Variants in BORCS5 observed in about 807,000 individuals in gnomAD.
BORCS5 encodes the protein BLOC-1 related complex subunit 5, also known as BLOC-1-related complex subunit 5.
In BORCS5, 17 loss-of-function variants were observed where a neutral mutation model predicts 22.1. The observed-to-expected ratio is 0.77, with a 90% CI of 0.53 to 1.15. The LOEUF is 1.15. BORCS5 is among the 50% of genes most tolerant of loss of function. BORCS5 has a pLI of 0.00. For synonymous variants in BORCS5, 117 were observed against 99.8 expected (o/e 1.17, Z -1.03); for missense variants, 247 against 253.2 (o/e 0.98, Z 0.17).
chr12:12,443,796 C>A (rs1282922585), intron 3 of BORCS5, among the ~76,000 whole-genome samples: 1 of 152,218 alleles, frequency 6.6e-6, no homozygotes, highest in African/African-American at 2.4e-5. Context: ...TAGACATGCC[C>A]TCAGACAGCT....
intron 2 of BORCS5, among the ~76,000 whole-genome samples, chr12:12,413,107 TC>T (rs1941786152): frequency 1.3e-5 from 1 of 77,262 alleles, no homozygotes; most frequent in Non-Finnish European, 2.5e-5. Context: ...TGGTGATGAC[TC>T]TTTTTTTTTT....
At chr12:12,380,498 C>G (rs1356905136) in intron 2 of BORCS5, among the ~76,000 whole-genome samples, 1 of 151,470 alleles carries the variant, frequency 6.6e-6, no homozygotes, top group African/African-American at 2.4e-5. Context: ...CTGGACACTT[C>G]ATCTAAATGG....
intron 2 of BORCS5, among the ~76,000 whole-genome samples, chr12:12,397,364 G>A (rs1758419983): frequency 6.6e-6 from 1 of 152,202 alleles, no homozygotes; most frequent in Non-Finnish European, 1.5e-5. Context: ...TACGTGCTGA[G>A]GTTCCTCAGT....
intron 2 of BORCS5, among the ~76,000 whole-genome samples, chr12:12,387,923 A>C (rs933768802): frequency 1.3e-5 from 2 of 151,420 alleles, no homozygotes; most frequent in African/African-American, 2.4e-5. Flanking sequence ...TCATTAAAGA[A>C]TGTTTAACAC....
chr12:12,394,796 G>A (rs1941290592), intron 2 of BORCS5, among the ~76,000 whole-genome samples: 1 of 152,094 alleles, frequency 6.6e-6, no homozygotes, highest in South Asian at 2.1e-4. Context: ...TGGAGTGCCT[G>A]TTTCCCATGT....
At chr12:12,419,494 A>G (rs1001400069) in intron 2 of BORCS5, among the ~76,000 whole-genome samples, 2 of 152,236 alleles carry the variant, frequency 1.3e-5, no homozygotes, top group Admixed American at 1.3e-4. Context: ...GAATAGTGCC[A>G]TAATAAACAT....
intron 2 of BORCS5, among the ~76,000 whole-genome samples, chr12:12,402,877 T>C (rs1941509124): frequency 6.6e-6 from 1 of 152,222 alleles, no homozygotes; most frequent in Non-Finnish European, 1.5e-5. Context: ...TATCACGTCT[T>C]CATAGTGAAA....
Position 12,387,860 on chromosome 12 carries a change from G to C in BORCS5, c.202+26511G>C, listed in dbSNP as rs1311781675. Among the ~76,000 whole-genome samples, 13 of 151,398 alleles carry C rather than the reference G, an allele frequency of 8.6e-5. 1 individual carries two copies. The highest frequency in any genetic ancestry group is 1.6e-4 in the Non-Finnish European group (11 of 67,714). On this transcript the variant is annotated intron_variant, in intron 2 of 3. Coordinates refer to ENST00000314565, the MANE Select transcript of BORCS5 (RefSeq NM_058169.6). ...ATGTAGCCTCAGTTTCTAGCTTGTT[G>C]AAGCCTTTTTTGAATCCCCACGATT...
intron 2 of BORCS5, among the ~76,000 whole-genome samples, chr12:12,389,498 T>A (rs10845530): frequency 0.41 from 59,768 of 145,602 alleles, 13,287 homozygotes; most frequent in Non-Finnish European, 0.45. Context: ...CCTCTGCCAG[T>A]ATCTTTTAAG....
chr12:12,398,284 A>G (rs1039237561), intron 2 of BORCS5, among the ~76,000 whole-genome samples: 5 of 151,240 alleles, frequency 3.3e-5, no homozygotes, highest in African/African-American at 9.7e-5. Flanking sequence ...ACTCTTTAAA[A>G]TTTTTTTTTT....
At chr12:12,422,966 C>T (rs773334222) in intron 2 of BORCS5, among the ~76,000 whole-genome samples, 5 of 150,944 alleles carry the variant, frequency 3.3e-5, no homozygotes, top group Non-Finnish European at 7.4e-5. Context: ...ACAAAAACCC[C>T]TGTAAATACA....
At chr12:12,409,171 C>G (rs115846891) in intron 2 of BORCS5, among the ~76,000 whole-genome samples, 2,040 of 151,650 alleles carry the variant, frequency 0.013, 37 homozygotes, top group African/African-American at 0.046. Context: ...AATTGCCCTT[C>G]CCTAATGATT....
intron 2 of BORCS5, among the ~76,000 whole-genome samples, chr12:12,417,406 C>T (rs80219870): frequency 0.017 from 2,659 of 152,204 alleles, 87 homozygotes; most frequent in African/African-American, 0.06. Context: ...AAAAATGTCC[C>T]ATGTACACTT....
intron 2 of BORCS5, among the ~76,000 whole-genome samples, chr12:12,387,191 A>G (rs964713108): frequency 1.3e-5 from 2 of 151,326 alleles, no homozygotes; most frequent in African/African-American, 4.9e-5. Context: ...GGTTGTATCA[A>G]TAGTTTGTTC....
rs762909230 is a variant in BORCS5, at chr12:12,465,648, A to G, written c.463A>G (p.Ile155Val). The G allele has an allele frequency of 8.7e-6, 14 of 1,614,162 alleles. No homozygotes were observed. Among genetic ancestry groups the G allele is most frequent in the Middle Eastern group, 1.6e-4 (1 of 6,084 alleles). Reference protein sequence around the residue: ...QIQKVNEMSAILRRIQMGIDQ... With the variant: ...QIQKVNEMSAVLRRIQMGIDQ... ...CCAGAAAGTGAACGAGATGTCCGCCATCCTCCGCCGCATACAGATGGGCAT... is the reference window on the plus strand; with the variant it reads ...CCAGAAAGTGAACGAGATGTCCGCCGTCCTCCGCCGCATACAGATGGGCAT... Residue 155 changes from isoleucine to valine, a missense_variant, in exon 4 of 4, where the codon ATC becomes GTC. By Grantham distance (29) the Ile-to-Val change is conservative. Coordinates refer to ENST00000314565, the MANE Select transcript of BORCS5 (RefSeq NM_058169.6).
Position 12,443,246 on chromosome 12 carries a change from C to T in BORCS5, c.360+7461C>T, listed in dbSNP as rs116327558. On this transcript the variant is annotated intron_variant, in intron 3 of 3. Coordinates refer to ENST00000314565, the MANE Select transcript of BORCS5 (RefSeq NM_058169.6). ...AAATTATAAAATGAGTTGGGAGTACCTATTGCAAAGCTGCAAATTTTGACA... is the reference window on the plus strand; with the variant it reads ...AAATTATAAAATGAGTTGGGAGTACTTATTGCAAAGCTGCAAATTTTGACA... Among the ~76,000 whole-genome samples, 378 of 152,304 alleles carry T rather than the reference C, an allele frequency of 2.5e-3. 2 individuals are homozygous for T. Among genetic ancestry groups the T allele is most frequent in the African/African-American group, 8.7e-3 (363 of 41,552 alleles).
At chr12:12,437,533 G>A (rs1254254372) in intron 3 of BORCS5, among the ~76,000 whole-genome samples, 1 of 152,168 alleles carries the variant, frequency 6.6e-6, no homozygotes, top group Non-Finnish European at 1.5e-5. Context: ...TACAAAACTA[G>A]TCCCATATAA....
At chr12:12,439,200 G>A (rs1468876) in intron 3 of BORCS5, among the ~76,000 whole-genome samples, 93,002 of 152,150 alleles carry the variant, frequency 0.61, 29,655 homozygotes, top group African/African-American at 0.79. Flanking sequence ...ACTCCGAACC[G>A]ATTAGATCAA....
intron 3 of BORCS5, among the ~76,000 whole-genome samples, chr12:12,460,985 A>T (rs746924585): frequency 2.0e-5 from 3 of 152,164 alleles, no homozygotes; most frequent in Non-Finnish European, 2.9e-5. Context: ...CATTCTACAG[A>T]TGCCTAATAA....
Sources: allele counts gnomAD v4.1 joint callset (sites outside exome capture counted in the v4.1 genomes callset), GRCh38; gene constraint gnomAD v4.1.1; transcripts MANE v1.5; gene names NCBI Gene and HGNC (gene_info 2026-07-23, HGNC 2026-07-21).